The following IFRD2 variants were observed in gnomAD, a reference collection of about 807,000 sequenced individuals.
The protein encoded by IFRD2 is interferon-related developmental regulator 2.
Under a neutral mutation model 49.2 loss-of-function variants are expected in IFRD2, and 35 were observed. That is an observed-to-expected ratio of 0.71 (90% CI 0.54 to 0.94). IFRD2 has a LOEUF of 0.94. IFRD2 is among the 40% of genes least tolerant of loss of function. The pLI, the probability that IFRD2 is intolerant of heterozygous loss-of-function variation, is 0.00. For synonymous variants in IFRD2, 275 were observed against 239.7 expected (o/e 1.15, Z -1.36); for missense variants, 561 against 591.6 (o/e 0.95, Z 0.54).
In IFRD2 at chr3:50,290,260, G is replaced by A. The variant is rs782601507; in HGVS notation, c.298C>T (p.Arg100Cys). The A allele has an allele frequency of 8.1e-6, 13 of 1,612,344 alleles. No homozygotes were observed. Among genetic ancestry groups the A allele is most frequent in the South Asian group, 1.1e-5 (1 of 90,816 alleles). The change falls in exon 4 of 12, where the codon CGC (arginine) becomes TGC (cysteine). Residue 100 changes from arginine to cysteine, a missense_variant. Transcript: ENST00000417626. ...KTRQGALESL[R>C]LALASRLLPD... ...AGTAGGCGGGACGCTAGGGCCAGGC[G>A]CAGGCTCTCAAGAGCACCCTGCCGG...
chr3:50,290,721 T>A (rs782386259), intron 1 of IFRD2, 42 bp from the exon 2 acceptor site: 4 of 1,603,456 alleles, frequency 2.5e-6, no homozygotes, highest in Non-Finnish European at 3.4e-6. Context: ...CCTCTACTGA[T>A]GAGGGATGGC....
Position 50,289,488 on chromosome 3 carries a change from G to A in IFRD2, c.738C>T (p.Leu246=), listed in dbSNP as rs782053996. The change falls in exon 7 of 12, where the codon CTC becomes CTT. Residue 246 remains leucine (L), a synonymous_variant. Coordinates refer to ENST00000417626, the MANE Select transcript of IFRD2 (RefSeq NM_006764.5). ...SAALQAWALL[L]TICPSTQISH... The stretch of plus-strand genomic sequence containing the variant: ...TGATTTGGGTGCTAGGGCAGATGGT[G>A]AGCAGCAATGCCCAGGCCTGCAGGG... 10 of 1,583,872 alleles carry A rather than the reference G, an allele frequency of 6.3e-6. No homozygotes were observed. The highest frequency in any genetic ancestry group is 1.7e-4 in the Middle Eastern group (1 of 6,010).
rs1553709316 is a variant in IFRD2, at chr3:50,289,489, A to C, written c.737T>G (p.Leu246Arg). Residue 246 changes from leucine to arginine, a missense_variant, in exon 7 of 12, where the codon CTC becomes CGC. Transcript: ENST00000417626. ...GATTTGGGTGCTAGGGCAGATGGTG[A>C]GCAGCAATGCCCAGGCCTGCAGGGC... ...SAALQAWALLLTICPSTQISH... is the reference protein window; with the variant it reads ...SAALQAWALLRTICPSTQISH... 6.3e-7 allele frequency: 1 copy of C among 1,584,202 alleles called. No individual in the cohort carries two copies. The highest frequency in any genetic ancestry group is 2.3e-5 in the East Asian group (1 of 43,318).
rs1553709409 is a variant in IFRD2 at position 50,289,683 on chromosome 3, T to C, written c.597+29A>G. On this transcript the variant is annotated intron_variant, in intron 6 of 11. Coordinates refer to ENST00000417626, the MANE Select transcript of IFRD2 (RefSeq NM_006764.5). ...GAGGCAGAGTTACAGCCCTAGATGC[T>C]CTACCACCTGTGCCCAAAGACCCCT... The C allele has an allele frequency of 1.9e-6, 3 of 1,596,518 alleles. No individual in the cohort carries two copies. The Admixed American group carries it at 5.2e-5, about 28-fold the overall frequency.
rs143284466 is a variant in IFRD2, at chr3:50,290,159, C to A, written c.388+11G>T. On this transcript the variant is annotated intron_variant, in intron 4 of 11. Coordinates refer to ENST00000417626, the MANE Select transcript of IFRD2 (RefSeq NM_006764.5). ...CCCAGTTTAAGTCTCCCACACACCC[C>A]CAGGTCCAACCTTTCTTGAGGCACT... is the stretch of plus-strand genomic sequence containing the variant. 918 of 1,613,482 alleles carry A rather than the reference C, an allele frequency of 5.7e-4. 7 individuals carry two copies. In the African/African-American group the frequency reaches 0.01, roughly 18 times the overall value.
Position 50,289,791 on chromosome 3 carries a change from C to T in IFRD2, c.547-29G>A, listed in dbSNP as rs782519527. 4.1e-5 allele frequency: 66 copies of T among 1,592,426 alleles called. 1 individual carries two copies. Among genetic ancestry groups the T allele is most frequent in the South Asian group, 6.8e-5 (6 of 87,870 alleles). ...TTGGGAGAAGGGCAATGCAATGCCACGGTCAGCGGGTGAACCTGGGTTCCC... is the reference window on the plus strand; with the variant it reads ...TTGGGAGAAGGGCAATGCAATGCCATGGTCAGCGGGTGAACCTGGGTTCCC... On this transcript the variant is annotated intron_variant, in intron 5 of 11. Coordinates refer to ENST00000417626, the MANE Select transcript of IFRD2 (RefSeq NM_006764.5).
In IFRD2 at chr3:50,288,169, C is replaced by G; in HGVS notation, c.*22G>C. 6.3e-7 allele frequency: 1 copy of G among 1,598,118 alleles called. No individual in the cohort carries two copies. Among genetic ancestry groups the G allele is most frequent in the Non-Finnish European group, 8.6e-7 (1 of 1,166,436 alleles). On this transcript the variant is annotated 3_prime_UTR_variant, in exon 12 of 12. Coordinates refer to ENST00000417626, the MANE Select transcript of IFRD2 (RefSeq NM_006764.5). ...AATACGGACCAAGGGCATAGAAAGTCTCCTCTTCAGCAGGTCCTGCTTCAC... is the reference window on the plus strand; with the variant it reads ...AATACGGACCAAGGGCATAGAAAGTGTCCTCTTCAGCAGGTCCTGCTTCAC...
chr3:50,289,535 G>C lies in IFRD2; in HGVS notation c.691C>G (p.Leu231Val), dbSNP rs60317628. The C allele has an allele frequency of 6.3e-6, 10 of 1,581,576 alleles. No homozygotes were observed. The highest frequency in any genetic ancestry group is 7.7e-6 in the Non-Finnish European group (9 of 1,164,568). ...AGGGCAGCAGAGAGCAGGCCGTGCA[G>C]GCTGGCAGGAACCACAGGACTTGTG... ...SSTSPVVPAS[L>V]HGLLSAALQA... Residue 231 changes from leucine to valine, a missense_variant, in exon 7 of 12, where the codon CTG becomes GTG. Transcript: ENST00000417626.
In IFRD2 at chr3:50,288,483, TGTCAC is replaced by T. The variant is rs1701603249; in HGVS notation, c.1169_1173del (p.Arg390HisfsTer24). ...AACAGCACAGGGCCCAGGCCAAAGA[TGTCAC>T]GGAGTAGCTCATTGTTCTGGGGGGC... On this transcript the variant is annotated frameshift_variant, in exon 11 of 12. Transcript: ENST00000417626. LOFTEE classifies it high-confidence loss of function. The T allele has an allele frequency of 6.2e-7, 1 of 1,613,830 alleles. No individual in the cohort carries two copies. The highest frequency in any genetic ancestry group is 1.3e-5 in the African/African-American group (1 of 74,926).
chr3:50,288,604 C>G lies in IFRD2; in HGVS notation c.1131G>C (p.Ser377=). 6.2e-7 allele frequency: 1 copy of G among 1,613,900 alleles called. No individual in the cohort carries two copies. The highest frequency in any genetic ancestry group is 1.1e-5 in the South Asian group (1 of 91,088). The change falls in exon 10 of 12, where the codon TCG becomes TCC. Residue 377 remains serine, a synonymous_variant. Transcript: ENST00000417626. ...IYAAFKEVLG[S]GMHHHLQNNE... ...GCACCTGGAGGTGGTGGTGCATGCC[C>G]GAACCCAGCACTTCCTTGAAGGCAG...
Position 50,290,054 on chromosome 3 carries a change from C to T in IFRD2, c.421G>A (p.Val141Met). 6.2e-7 allele frequency: 1 copy of T among 1,613,786 alleles called. No homozygotes were observed. Among genetic ancestry groups the T allele is most frequent in the Non-Finnish European group, 8.5e-7 (1 of 1,179,798 alleles). Residue 141 changes from valine to methionine, a missense_variant, in exon 5 of 12, where the codon GTG (valine) becomes ATG (methionine). Coordinates refer to ENST00000417626, the MANE Select transcript of IFRD2 (RefSeq NM_006764.5). ...KGEEQALAAA[V>M]LGLLCVQLGP... ...AGCTGCACGCAGAGCAGGCCTAGCA[C>T]AGCAGCAGCCAGGGCTTGTTCCTCG...
chr3:50,288,560 C>A (rs782008732), intron 10 of IFRD2, 23 bp downstream of exon 10: 1 of 1,613,880 alleles, frequency 6.2e-7, no homozygotes, highest in Non-Finnish European at 8.5e-7. Flanking sequence ...CACCAGATGT[C>A]CCCTCCCTGT....
Position 50,288,214 on chromosome 3 carries a change from C to G in IFRD2, c.1306G>C (p.Asp436His), listed in dbSNP as rs781839915. ...ARTKARSRVR[D>H]KRADIL is the part of the protein sequence containing the mutation. Reference sequence around the variant, plus strand: ...CTTCACAGGATGTCTGCCCGCTTGTCCCGCACACGGCTTCGAGCCTTGGTC... The same window carrying G: ...CTTCACAGGATGTCTGCCCGCTTGTGCCGCACACGGCTTCGAGCCTTGGTC... Residue 436 changes from aspartate to histidine, a missense_variant, in exon 12 of 12, where the codon GAC (aspartate) becomes CAC (histidine). Asp to His is a moderately conservative substitution (Grantham distance 81, BLOSUM62 -1). Coordinates refer to ENST00000417626, the MANE Select transcript of IFRD2 (RefSeq NM_006764.5). 2 of 1,613,900 alleles carry G rather than the reference C, an allele frequency of 1.2e-6. No homozygotes were observed. The highest frequency in any genetic ancestry group is 1.7e-6 in the Non-Finnish European group (2 of 1,179,826).
Position 50,288,647 on chromosome 3 carries a change from G to A in IFRD2, c.1088C>T (p.Ala363Val). Residue 363 changes from alanine to valine, a missense_variant, in exon 10 of 12, where the codon GCT (alanine) becomes GTT (valine). By Grantham distance (64) the Ala-to-Val change is moderately conservative. Coordinates refer to ENST00000417626, the MANE Select transcript of IFRD2 (RefSeq NM_006764.5). ...GAAGGCAGCGTAGATCCGGTGCCGA[G>A]CCCAGCTGTCCATGTAGAGCACCTC... ...GFEVLYMDSW[A>V]RHRIYAAFKE... 6.2e-7 allele frequency: 1 copy of A among 1,613,806 alleles called. No individual in the cohort carries two copies. Among genetic ancestry groups the A allele is most frequent in the Non-Finnish European group, 8.5e-7 (1 of 1,179,876 alleles).
chr3:50,288,137 T>TGTTA lies in IFRD2; in HGVS notation c.*50_*53dup, dbSNP rs1279302671. 1 of 1,433,886 alleles carries TGTTA rather than the reference T, an allele frequency of 7.0e-7. No homozygotes were observed. Among genetic ancestry groups the TGTTA allele is most frequent in the Non-Finnish European group, 9.8e-7 (1 of 1,025,066 alleles). 88.8% of individuals were successfully genotyped at this position (1,433,886 alleles called of 1,614,324 possible). A position where few individuals can be genotyped will look rare whatever the true frequency, so the allele number is the denominator to read the frequency against. On this transcript the variant is annotated 3_prime_UTR_variant, in exon 12 of 12. Transcript: ENST00000417626. ...GGAGACCAGTTGTTGCACTGTCTTCTGTTAAAAATACGGACCAAGGGCATA... is the reference window on the plus strand; with the variant it reads ...GGAGACCAGTTGTTGCACTGTCTTCTGTTAGTTAAAAATACGGACCAAGGGCATA...
At chr3:50,289,675 C>A (rs782343979) in intron 6 of IFRD2, 37 bp downstream of exon 6, 8 of 1,594,770 alleles carry the variant, frequency 5.0e-6, no homozygotes, top group Admixed American at 3.5e-5. Flanking sequence ...AGTTACAGCC[C>A]TAGATGCTCT....
intron 7 of IFRD2, 35 bp downstream of exon 7, chr3:50,289,412 A>T (rs1701625854): frequency 1.3e-6 from 2 of 1,568,578 alleles, no homozygotes; most frequent in Non-Finnish European, 1.7e-6. Flanking sequence ...CCTCTTTGAG[A>T]TCCCCTCCCC....
chr3:50,288,644 C>T lies in IFRD2; in HGVS notation c.1091G>A (p.Arg364Gln), dbSNP rs782003172. 30 of 1,613,352 alleles carry T rather than the reference C, an allele frequency of 1.9e-5. No individual in the cohort carries two copies. The highest frequency in any genetic ancestry group is 3.3e-5 in the Admixed American group (2 of 59,970). The change falls in exon 10 of 12, where the codon CGG becomes CAG. Residue 364 changes from arginine (R) to glutamine (Q), a missense_variant. By Grantham distance (43) the Arg-to-Gln change is conservative. Transcript: ENST00000417626. ...CTTGAAGGCAGCGTAGATCCGGTGC[C>T]GAGCCCAGCTGTCCATGTAGAGCAC... is the stretch of plus-strand genomic sequence containing the variant. Reference protein sequence around the residue: ...FEVLYMDSWARHRIYAAFKEV... With the variant: ...FEVLYMDSWAQHRIYAAFKEV...
In IFRD2 at chr3:50,290,420, C is replaced by G; in HGVS notation, c.231G>C (p.Leu77=). 1 of 1,579,224 alleles carries G rather than the reference C, an allele frequency of 6.3e-7. No homozygotes were observed. The highest frequency in any genetic ancestry group is 8.6e-7 in the Non-Finnish European group (1 of 1,161,718). ...CTGTGAGACAGTCCACATACTCCTT[C>G]AGCTTTTCCTCAAGGTCTTCCTGCT... ...QGQQEDLEEK[L]KEYVDCLTDK... Residue 77 remains leucine, a synonymous_variant, in exon 3 of 12, where the codon CTG becomes CTC. Coordinates refer to ENST00000417626, the MANE Select transcript of IFRD2 (RefSeq NM_006764.5).
Sources: gnomAD v4.1 joint callset for allele counts on GRCh38, gnomAD v4.1.1 for gene constraint, MANE v1.5 for transcripts, NCBI Gene and HGNC (gene_info 2026-07-23, HGNC 2026-07-21) for gene names.